GADL1: variants seen among roughly 807,000 people sequenced by gnomAD.
GADL1 encodes acidic amino acid decarboxylase GADL1.
In GADL1, 71 loss-of-function variants were observed where a neutral mutation model predicts 69.5. The ratio of observed to expected loss-of-function variants is 1.02; its 90% CI spans 0.84 to 1.25. The LOEUF is 1.25. Among genes scored for constraint, GADL1 ranks in the 50% most tolerant of loss-of-function variants. The pLI, the probability that GADL1 is intolerant of heterozygous loss-of-function variation, is 0.00. For missense variants in GADL1, 737 were observed against 631.8 expected, an observed-to-expected ratio of 1.17 and a Z score of -1.79; for synonymous variants, 254 against 214.4, an observed-to-expected ratio of 1.18 and a Z score of -1.62.
chr3:30,753,376 C>T (rs1032155131), intron 14 of GADL1, among the ~76,000 whole-genome samples: 19 of 152,126 alleles, frequency 1.2e-4, no homozygotes, highest in African/African-American at 4.1e-4. Flanking sequence ...ATATCCATGG[C>T]AGGTTTGTGC....
intron 11 of GADL1, among the ~76,000 whole-genome samples, chr3:30,815,926 G>A (rs1479170455): frequency 6.6e-6 from 1 of 152,090 alleles, no homozygotes; most frequent in Non-Finnish European, 1.5e-5. Flanking sequence ...TCCTTTATGA[G>A]CTTCATGGCC....
intron 1 of GADL1, among the ~76,000 whole-genome samples, chr3:30,865,588 C>T (rs1033896552): frequency 6.6e-6 from 1 of 151,898 alleles, no homozygotes; most frequent in Non-Finnish European, 1.5e-5. Context: ...CAGGGGAAAC[C>T]TTTGGCTGGG....
intron 14 of GADL1, among the ~76,000 whole-genome samples, chr3:30,749,364 A>C (rs1238071192): frequency 6.6e-6 from 1 of 152,222 alleles, no homozygotes; most frequent in Non-Finnish European, 1.5e-5. Context: ...TCTCTCTAAA[A>C]TCAGAAGAAA....
At chr3:30,768,276 A>G (rs907995347) in intron 14 of GADL1, among the ~76,000 whole-genome samples, 2 of 152,202 alleles carry the variant, frequency 1.3e-5, no homozygotes, top group African/African-American at 4.8e-5. Flanking sequence ...ATTGTTTACA[A>G]TAGCAAAACC....
intron 11 of GADL1, among the ~76,000 whole-genome samples, chr3:30,821,405 TTC>T (rs897960330): frequency 9.9e-5 from 15 of 152,086 alleles, no homozygotes; most frequent in African/African-American, 2.7e-4. Context: ...TGTCTTTTTT[TTC>T]TCTTTTTTTA....
intron 11 of GADL1, among the ~76,000 whole-genome samples, chr3:30,832,462 A>G (rs1267360523): frequency 2.0e-5 from 3 of 152,054 alleles, no homozygotes; most frequent in Non-Finnish European, 4.4e-5. Flanking sequence ...AGAAAAGTAT[A>G]TGAAAGCTAG....
At chr3:30,801,446 AACTG>A (rs1478056628) in intron 11 of GADL1, among the ~76,000 whole-genome samples, 2 of 152,152 alleles carry the variant, frequency 1.3e-5, no homozygotes, top group Non-Finnish European at 2.9e-5. Flanking sequence ...AGAAAAAAAA[AACTG>A]ACATATTTAC....
At chr3:30,807,876 A>G (rs1218946823) in intron 11 of GADL1, among the ~76,000 whole-genome samples, 2 of 151,896 alleles carry the variant, frequency 1.3e-5, no homozygotes, top group East Asian at 3.9e-4. Context: ...TACTAAAAAT[A>G]CAAAAATCAG....
At chr3:30,752,446 GTC>G (rs71916155) in intron 14 of GADL1, among the ~76,000 whole-genome samples, 14,172 of 152,150 alleles carry the variant, frequency 0.093, 1,832 homozygotes, top group African/African-American at 0.29. Flanking sequence ...GCCGCAGCCA[GTC>G]TCTGCTTTTA....
intron 3 of GADL1, among the ~76,000 whole-genome samples, chr3:30,855,907 T>C (rs1698224517): frequency 7.0e-6 from 1 of 143,614 alleles, no homozygotes; most frequent in Non-Finnish European, 1.5e-5. Context: ...AGCTTAAACA[T>C]GGAAAACTTC....
intron 14 of GADL1, among the ~76,000 whole-genome samples, chr3:30,776,654 A>G (rs1371010573): frequency 6.6e-6 from 1 of 152,202 alleles, no homozygotes; most frequent in Non-Finnish European, 1.5e-5. Context: ...ACAGAAAATG[A>G]CCTGAAGCTA....
intron 1 of GADL1, among the ~76,000 whole-genome samples, chr3:30,870,608 T>TG (rs1216647136): frequency 6.6e-6 from 1 of 151,532 alleles, no homozygotes; most frequent in Non-Finnish European, 1.5e-5. Context: ...GTGTAGAGAA[T>TG]GAACTGTCAA....
chr3:30,881,528 A>G (rs925959727), intron 1 of GADL1, among the ~76,000 whole-genome samples: 10 of 149,672 alleles, frequency 6.7e-5, no homozygotes, highest in Non-Finnish European at 4.5e-5. Context: ...AATATCACTG[A>G]CCTTCATGGG....
intron 11 of GADL1, among the ~76,000 whole-genome samples, chr3:30,814,206 G>A (rs1186831202): frequency 6.6e-6 from 1 of 152,052 alleles, no homozygotes; most frequent in Non-Finnish European, 1.5e-5. Flanking sequence ...GTCACACAAG[G>A]CAGTCCCAAG....
intron 11 of GADL1, among the ~76,000 whole-genome samples, chr3:30,823,991 GGAA>G (rs1159404103): frequency 6.6e-6 from 1 of 151,672 alleles, no homozygotes; most frequent in African/African-American, 2.4e-5. Flanking sequence ...AGAAAAGAAA[GGAA>G]GAAGTCTTAA....
chr3:30,837,824 A>G (rs1697898718), intron 9 of GADL1, among the ~76,000 whole-genome samples: 1 of 152,152 alleles, frequency 6.6e-6, no homozygotes, highest in Admixed American at 6.6e-5. Context: ...AATAAGATAT[A>G]AGTTGAAATA....
intron 8 of GADL1, among the ~76,000 whole-genome samples, chr3:30,841,286 T>C (rs1697961800): frequency 6.6e-6 from 1 of 152,188 alleles, no homozygotes; most frequent in Admixed American, 6.5e-5. Context: ...TCTAACCCCA[T>C]TGCCCTACTT....
At chr3:30,761,400 GTCT>G (rs1455048772) in intron 14 of GADL1, among the ~76,000 whole-genome samples, 8 of 152,076 alleles carry the variant, frequency 5.3e-5, no homozygotes, top group Admixed American at 3.3e-4. Context: ...AAGTAGCCAA[GTCT>G]TCTTCCAGGC....
chr3:30,760,624 T>C (rs1030935389), intron 14 of GADL1, among the ~76,000 whole-genome samples: 1 of 152,204 alleles, frequency 6.6e-6, no homozygotes, highest in Non-Finnish European at 1.5e-5. Flanking sequence ...CCAAATTTAA[T>C]AATTACTACG....
Sources: gnomAD v4.1 joint callset for allele counts (sites outside exome capture counted in the v4.1 genomes callset) on GRCh38, gnomAD v4.1.1 for gene constraint, MANE v1.5 for transcripts, NCBI Gene and HGNC (gene_info 2026-07-23, HGNC 2026-07-21) for gene names.